EXOC3L2: variants seen among roughly 807,000 people sequenced by gnomAD.
EXOC3L2 encodes the protein exocyst complex component 3 like 2.
In EXOC3L2, 17 loss-of-function variants were observed where a neutral mutation model predicts 44.4. That is an observed-to-expected ratio of 0.38 (90% CI 0.26 to 0.57). The LOEUF is 0.57. EXOC3L2 is among the 20% of genes least tolerant of loss of function. The pLI, the probability that EXOC3L2 is intolerant of heterozygous loss-of-function variation, is 0.65. For synonymous variants in EXOC3L2, 256 were observed against 253.7 expected (o/e 1.01, Z -0.09); for missense variants, 541 against 588.4 (o/e 0.92, Z 0.83).
rs1252339317 is a variant in EXOC3L2, at chr19:45,218,281, G to C, written c.1758C>G (p.Ser586Arg). ...CGATGCCATCCAGGGCCTCCGGGCT[G>C]CTCAGCCACTTCCGGCGCATCAGCT... ...FNKLMRRKWLSSPEALDGIVG... is the reference protein window; with the variant it reads ...FNKLMRRKWLRSPEALDGIVG... Residue 586 changes from serine to arginine, a missense_variant, in exon 9 of 12, where the codon AGC becomes AGG. Transcript: ENST00000413988. The C allele has an allele frequency of 6.2e-7, 1 of 1,608,444 alleles. No individual in the cohort carries two copies. The highest frequency in any genetic ancestry group is 1.1e-5 in the South Asian group (1 of 90,304).
At chr19:45,219,471 C>T (rs1164650730) in intron 8 of EXOC3L2, among the ~76,000 whole-genome samples, 1 of 151,290 alleles carries the variant, frequency 6.6e-6, no homozygotes, top group African/African-American at 2.4e-5. Flanking sequence ...ATGCACAGCC[C>T]TTAAGGGAAG....
At position 45,224,702 on chromosome 19, in the gene EXOC3L2, G is replaced by C. The variant is rs1969935891; in HGVS notation, c.1719+76C>G. On this transcript the variant is annotated intron_variant, in intron 8 of 11. Transcript: ENST00000413988. ...CCAAACACTGAGCCATGGGCTAAAA[G>C]GAACTGGAGGATGGTGGGGGGCAGC... 1.3e-5 allele frequency: 20 copies of C among 1,496,620 alleles called. No individual in the cohort carries two copies. The South Asian group carries it at 2.5e-4, about 19-fold the overall frequency. 92.7% of individuals were successfully genotyped at this position (1,496,620 alleles called of 1,614,324 possible). A position where few individuals can be genotyped will look rare whatever the true frequency, so the allele number is the denominator to read the frequency against.
intron 8 of EXOC3L2, among the ~76,000 whole-genome samples, chr19:45,220,817 C>T (rs934052013): frequency 5.7e-4 from 83 of 146,848 alleles, no homozygotes; most frequent in African/African-American, 1.8e-3. Context: ...TGGGAGGAGA[C>T]GAGACTGAGG....
intron 7 of EXOC3L2, among the ~76,000 whole-genome samples, chr19:45,225,710 C>A (rs1969952955): frequency 6.6e-6 from 1 of 150,812 alleles, no homozygotes; most frequent in Non-Finnish European, 1.5e-5. Flanking sequence ...GCAACCTCAA[C>A]CTCCCAGGTT....
chr19:45,216,288 A>T, intron 10 of EXOC3L2, 94 bp from the exon 11 acceptor site: 1 of 1,484,334 alleles, frequency 6.7e-7, no homozygotes, highest in Non-Finnish European at 9.0e-7. Context: ...TCTAAAATGT[A>T]GCAGAAACCA....
chr19:45,234,696 A>G lies in EXOC3L2; in HGVS notation c.654T>C (p.Ala218=). The G allele has an allele frequency of 5.2e-6, 2 of 386,536 alleles. No homozygotes were observed. Among genetic ancestry groups the G allele is most frequent in the East Asian group, 3.7e-5 (1 of 27,108 alleles). The allele number at this position is 386,536 out of a possible 1,614,324, so 23.9% of individuals were successfully genotyped here. A position where few individuals can be genotyped will look rare whatever the true frequency, so the allele number is the denominator to read the frequency against. Residue 218 remains alanine (A), a synonymous_variant, in exon 3 of 12, where the codon GCT becomes GCC. Transcript: ENST00000413988. The surrounding 1 kb of genome is among the most constrained non-coding windows in gnomAD (Gnocchi z 5.0). The part of the protein sequence containing the change: ...GAPGPPKAEG[A]GGGRRARDVA... The stretch of plus-strand genomic sequence containing the variant: ...CGTCCCGCGCCCGGCGGCCCCCGCC[A>G]GCGCCCTCGGCCTTGGGAGGCCCAG...
At chr19:45,219,393 C>CAAAAAAAAAAAAAAA (rs950797638) in intron 8 of EXOC3L2, among the ~76,000 whole-genome samples, 602 of 51,402 alleles carry the variant, frequency 0.012, 19 homozygotes, top group African/African-American at 0.03. Context: ...GGCCCCGTCT[C>CAAAAAAAAAAAAAAA]AAAAAAAAAA....
At chr19:45,215,205 G>A (rs1021136234) in intron 11 of EXOC3L2, among the ~76,000 whole-genome samples, 21 of 151,864 alleles carry the variant, frequency 1.4e-4, no homozygotes, top group African/African-American at 4.8e-4. Flanking sequence ...GCTGGGCAAC[G>A]GTGGCTCACA....
chr19:45,213,116 G>A lies in EXOC3L2; in HGVS notation c.2362C>T (p.Pro788Ser), dbSNP rs943466111. ...RLARPSLACLPRPRPPSLARP... is the reference protein window; with the variant it reads ...RLARPSLACLSRPRPPSLARP... ...GCTAGAGACGGAGGCCGGGGCCGAG[G>A]CAGACAGGCCAAACTGGGCCTGGCC... Residue 788 changes from proline (P) to serine (S), a missense_variant, in exon 12 of 12, where the codon CCT becomes TCT. Transcript: ENST00000413988. 6 of 1,553,410 alleles carry A rather than the reference G, an allele frequency of 3.9e-6. No individual in the cohort carries two copies. The highest frequency in any genetic ancestry group is 5.2e-6 in the Non-Finnish European group (6 of 1,153,332).
intron 8 of EXOC3L2, among the ~76,000 whole-genome samples, chr19:45,220,651 T>C (rs946018905): frequency 1.3e-5 from 2 of 151,720 alleles, no homozygotes; most frequent in Non-Finnish European, 2.9e-5. Context: ...ATTCCAGGCA[T>C]AAGACAGGGA....
rs1970056505 is a variant in EXOC3L2, at chr19:45,234,002, C to T, written c.1157+191G>A. 6.6e-6 allele frequency among the ~76,000 whole-genome samples: 1 copy of T among 152,128 alleles called. No homozygotes were observed. The highest frequency in any genetic ancestry group is 2.1e-4 in the South Asian group (1 of 4,822). On this transcript the variant is annotated intron_variant, in intron 3 of 11. Transcript: ENST00000413988. This position sits in a 1 kb window ranked among gnomAD's most constrained non-coding sequence, Gnocchi z 5.0. Reference sequence around the variant, plus strand: ...GTCCATGGTACTAAGGTGCTGGAACCGGAAGCCTCGGTAGCAGTGAGAGTC... The same window carrying T: ...GTCCATGGTACTAAGGTGCTGGAACTGGAAGCCTCGGTAGCAGTGAGAGTC...
intron 1 of EXOC3L2, among the ~76,000 whole-genome samples, chr19:45,241,820 C>T (rs530838269): frequency 7.9e-5 from 12 of 152,338 alleles, no homozygotes; most frequent in Non-Finnish European, 1.6e-4. Flanking sequence ...CACACCTCAC[C>T]TCTGCCTGCT....
In EXOC3L2 at chr19:45,221,495, C is replaced by G. The variant is rs534922684; in HGVS notation, c.1720-3176G>C. ...TCCTGAGTAGCTGGGGCTACAGGCA[C>G]GTGCCACCATGCCCGGCTAATTTTT... On this transcript the variant is annotated intron_variant, in intron 8 of 11. Transcript: ENST00000413988. Among the ~76,000 whole-genome samples, 50 of 152,020 alleles carry G rather than the reference C, an allele frequency of 3.3e-4. 2 individuals carry two copies. The highest frequency in any genetic ancestry group is 1.3e-4 in the Non-Finnish European group (9 of 67,988).
At chr19:45,229,770 G>A (rs983771309) in intron 4 of EXOC3L2, among the ~76,000 whole-genome samples, 6 of 149,726 alleles carry the variant, frequency 4.0e-5, no homozygotes, top group Admixed American at 2.0e-4. Context: ...ACTTGAACCC[G>A]GGAGGAGGAG....
chr19:45,224,504 C>T (rs1269886057), intron 8 of EXOC3L2, among the ~76,000 whole-genome samples: 2 of 152,000 alleles, frequency 1.3e-5, no homozygotes, highest in African/African-American at 4.8e-5. Flanking sequence ...GCTCTGGGGT[C>T]TAGGAGAGCC....
intron 2 of EXOC3L2, among the ~76,000 whole-genome samples, chr19:45,236,986 CAG>C (rs772564545): frequency 5.7e-5 from 8 of 140,908 alleles, no homozygotes; most frequent in Non-Finnish European, 1.2e-4. Flanking sequence ...GCCTGGGCAA[CAG>C]AGTGAGACCC....
intron 4 of EXOC3L2, 26 bp from the exon 5 acceptor site, chr19:45,228,292 C>A (rs1473057978): frequency 6.2e-7 from 1 of 1,609,394 alleles, no homozygotes; most frequent in Non-Finnish European, 8.5e-7. Context: ...GGGAGACAGG[C>A]AGGAGTTGGG....
At chr19:45,226,471 C>T (rs1051282108) in intron 7 of EXOC3L2, among the ~76,000 whole-genome samples, 12 of 152,098 alleles carry the variant, frequency 7.9e-5, no homozygotes, top group Non-Finnish European at 1.3e-4. Flanking sequence ...GAGTCTCGCT[C>T]TGTCACCCAG....
Position 45,228,093 on chromosome 19 carries a change from C to G in EXOC3L2, c.1372-19G>C. On this transcript the variant is annotated intron_variant, in intron 5 of 11. Coordinates refer to ENST00000413988, the MANE Select transcript of EXOC3L2 (RefSeq NM_001382422.1). Reference sequence around the variant, plus strand: ...CCAGCAGCTGTGAGGTCCAGGGCGACAAGAAGAGGTGAGGAGGGGCAAGGT... The same window carrying G: ...CCAGCAGCTGTGAGGTCCAGGGCGAGAAGAAGAGGTGAGGAGGGGCAAGGT... The G allele has an allele frequency of 6.2e-7, 1 of 1,614,114 alleles. No individual in the cohort carries two copies. The highest frequency in any genetic ancestry group is 8.5e-7 in the Non-Finnish European group (1 of 1,180,004).
Sources: allele counts gnomAD v4.1 joint callset (sites outside exome capture counted in the v4.1 genomes callset), GRCh38; gene constraint gnomAD v4.1.1; non-coding constraint Gnocchi (gnomAD v3.1); transcripts MANE v1.5; gene names NCBI Gene and HGNC (gene_info 2026-07-23, HGNC 2026-07-21).